The following TCF4 variants were observed in gnomAD, a reference collection of about 807,000 sequenced individuals.
TCF4 encodes transcription factor 4.
Under a neutral mutation model 82.1 loss-of-function variants are expected in TCF4, and 3 were observed. That is an observed-to-expected ratio of 0.04 (90% CI 0.02 to 0.09). The LOEUF (loss-of-function observed/expected upper bound fraction) is 0.09, where lower values mean the gene tolerates loss of function less well. Among genes scored for constraint, TCF4 ranks in the 10% least tolerant of loss-of-function variants. The probability of loss-of-function intolerance (pLI) is 1.00; values close to 1 mark genes in which losing one functional copy is unlikely to be tolerated. For synonymous variants in TCF4, 276 were observed against 309.6 expected (o/e 0.89, Z 1.14); for missense variants, 518 against 852.7 (o/e 0.61, Z 4.89).
In TCF4 at chr18:55,223,221, CTTTTT is replaced by C. The variant is rs1326579213; in HGVS notation, c.*4809_*4813del. 6.6e-6 allele frequency: 1 copy of C among 152,168 alleles called. No homozygotes were observed. Among genetic ancestry groups the C allele is most frequent in the African/African-American group, 2.4e-5 (1 of 41,448 alleles). 9.4% of individuals were successfully genotyped at this position (152,168 alleles called of 1,614,324 possible). ...ATTAGTTAATCCTCTAGACAGTTTT[CTTTTT>C]GTTTTGCATGCATCCCGTTCCATTT... On this transcript the variant is annotated 3_prime_UTR_variant, in exon 20 of 20. Transcript: ENST00000354452.
At chr18:55,418,179 G>C (rs1284695119) in intron 5 of TCF4, among the ~76,000 whole-genome samples, 3 of 151,748 alleles carry the variant, frequency 2.0e-5, no homozygotes, top group East Asian at 1.9e-4. Context: ...AAGATGTTAA[G>C]ATTCATTTCC....
chr18:55,425,552 T>C (rs902715036), intron 5 of TCF4, among the ~76,000 whole-genome samples: 4 of 151,524 alleles, frequency 2.6e-5, no homozygotes, highest in Non-Finnish European at 5.9e-5. Context: ...ACATCTTCCA[T>C]AGCTATGTAG....
At chr18:55,315,150 G>C (rs2073785723) in intron 8 of TCF4, among the ~76,000 whole-genome samples, 2 of 151,452 alleles carry the variant, frequency 1.3e-5, no homozygotes, top group South Asian at 4.2e-4. Flanking sequence ...TTTTTTGGTT[G>C]AGCCTGAAAT....
chr18:55,398,745 C>A (rs1237465856), intron 6 of TCF4, among the ~76,000 whole-genome samples: 1 of 152,170 alleles, frequency 6.6e-6, no homozygotes, highest in Non-Finnish European at 1.5e-5. Context: ...AGGAAAGAAA[C>A]ACTAGGTCAT....
intron 5 of TCF4, among the ~76,000 whole-genome samples, chr18:55,407,716 A>C (rs1251898953): frequency 1.3e-5 from 2 of 152,014 alleles, no homozygotes; most frequent in Admixed American, 6.6e-5. Flanking sequence ...TGCTGTCCCA[A>C]GAAGGAGCAG....
intron 3 of TCF4, among the ~76,000 whole-genome samples, chr18:55,537,449 G>A (rs1317844518): frequency 6.6e-6 from 1 of 152,056 alleles, no homozygotes; most frequent in Non-Finnish European, 1.5e-5. Flanking sequence ...AACTACCAAG[G>A]CGTGGTGGCA....
chr18:55,492,603 G>A (rs1173502274), intron 3 of TCF4, among the ~76,000 whole-genome samples: 2 of 152,164 alleles, frequency 1.3e-5, no homozygotes, highest in African/African-American at 2.4e-5. Context: ...TCTACTTGCT[G>A]TAAATTAGGC....
intron 2 of TCF4, 37 bp from the exon 3 acceptor site, chr18:55,585,389 G>T (rs2097630580): frequency 6.3e-7 from 1 of 1,578,122 alleles, no homozygotes; most frequent in Non-Finnish European, 8.7e-7. Context: ...TTGAAAAGAA[G>T]ACACTTGTGC....
At chr18:55,399,829 T>TCTC (rs2093694010) in intron 6 of TCF4, among the ~76,000 whole-genome samples, 1 of 80,774 alleles carries the variant, frequency 1.2e-5, no homozygotes, top group Admixed American at 1.2e-4. Flanking sequence ...GCAGCTTTCT[T>TCTC]TCTCTCTCTC....
chr18:55,608,459 T>C (rs972185955), intron 2 of TCF4, among the ~76,000 whole-genome samples: 2 of 151,828 alleles, frequency 1.3e-5, no homozygotes, highest in African/African-American at 4.8e-5. Flanking sequence ...TGAGTATGTT[T>C]TAGAGGAAGG....
At chr18:55,256,053 T>A (rs1444729069) in intron 14 of TCF4, among the ~76,000 whole-genome samples, 8 of 152,172 alleles carry the variant, frequency 5.3e-5, no homozygotes, top group African/African-American at 1.9e-4. Context: ...TTACTAAACC[T>A]CTTGGAGTGC....
Position 55,354,460 on chromosome 18 carries a change from TGAACTTTGCTTATACAA to T in TCF4, c.370-3474_370-3458del, listed in dbSNP as rs1302539743. Reference sequence around the variant, plus strand: ...CTTCTTAACAGCCTTGATCAACCACTGAACTTTGCTTATACAACCAAGAAAGCAAACCATGAATTAAA... The same window carrying T: ...CTTCTTAACAGCCTTGATCAACCACTCCAAGAAAGCAAACCATGAATTAAA... On this transcript the variant is annotated intron_variant, in intron 6 of 19. Transcript: ENST00000354452. Among the ~76,000 whole-genome samples, 6 of 152,306 alleles carry T rather than the reference TGAACTTTGCTTATACAA, an allele frequency of 3.9e-5. No individual in the cohort carries two copies. In the South Asian group the frequency reaches 1.2e-3, roughly 32 times the overall value.
At position 55,234,271 on chromosome 18, in the gene TCF4, T is replaced by G. The variant is rs189539257; in HGVS notation, c.1486+277A>C. 1.0e-5 allele frequency: 6 copies of G among 572,838 alleles called. No individual in the cohort carries two copies. The East Asian group carries it at 1.4e-4, about 13-fold the overall frequency. 35.5% of individuals were successfully genotyped at this position (572,838 alleles called of 1,614,324 possible). On this transcript the variant is annotated intron_variant, in intron 16 of 19. Transcript: ENST00000354452. ...GACCTGAATGAGAAAAATGTGGAAA[T>G]AGCTAAAATAAAATTTCCTCTCATC...
At chr18:55,604,389 T>C (rs1202419797) in intron 2 of TCF4, among the ~76,000 whole-genome samples, 1 of 152,118 alleles carries the variant, frequency 6.6e-6, no homozygotes, top group African/African-American at 2.4e-5. Context: ...TTCCTCTTTT[T>C]TCTTCCTCTG....
At chr18:55,504,108 C>T (rs987359433) in intron 3 of TCF4, among the ~76,000 whole-genome samples, 1 of 152,178 alleles carries the variant, frequency 6.6e-6, no homozygotes, top group Non-Finnish European at 1.5e-5. Context: ...CCCTAATGTA[C>T]TCCTATCTCT....
At chr18:55,447,257 C>T (rs1306100407) in intron 5 of TCF4, among the ~76,000 whole-genome samples, 1 of 151,106 alleles carries the variant, frequency 6.6e-6, no homozygotes, top group Non-Finnish European at 1.5e-5. Flanking sequence ...GCAGTAAGCA[C>T]CCCTGCACTC....
intron 3 of TCF4, among the ~76,000 whole-genome samples, chr18:55,477,161 AT>A (rs1031025958): frequency 1.3e-5 from 2 of 152,128 alleles, no homozygotes; most frequent in Non-Finnish European, 2.9e-5. Flanking sequence ...TCTGCTTCCT[AT>A]TTTTTATATA....
chr18:55,321,942 G>A, intron 8 of TCF4: 5 of 1,366,872 alleles, frequency 3.7e-6, no homozygotes, highest in South Asian at 3.9e-5. Context: ...TTTGCGCAGC[G>A]GAGCTGGAAG....
chr18:55,313,247 A>G (rs940163075), intron 8 of TCF4, among the ~76,000 whole-genome samples: 1 of 152,094 alleles, frequency 6.6e-6, no homozygotes, highest in Non-Finnish European at 1.5e-5. Context: ...TGATATCAAA[A>G]TTGAGAGTTC....
Sources: gnomAD v4.1 joint callset for allele counts (sites outside exome capture counted in the v4.1 genomes callset) on GRCh38, gnomAD v4.1.1 for gene constraint, MANE v1.5 for transcripts, NCBI Gene and HGNC (gene_info 2026-07-23, HGNC 2026-07-21) for gene names.